Variants in LYST observed in about 807,000 individuals in gnomAD.
The protein encoded by LYST is lysosomal-trafficking regulator.
Under a neutral mutation model 413.6 loss-of-function variants are expected in LYST, and 192 were observed. The ratio of observed to expected loss-of-function variants is 0.46; its 90% CI spans 0.41 to 0.52. The LOEUF is 0.52. Ranked by LOEUF, LYST falls within the 20% of genes least tolerant of loss-of-function variation. The probability of loss-of-function intolerance (pLI) is 0.00; values close to 1 mark genes in which losing one functional copy is unlikely to be tolerated. For synonymous variants in LYST, 1,525 were observed against 1,567.3 expected, an observed-to-expected ratio of 0.97 and a Z score of 0.64; for missense variants, 3,815 against 4,499.9, an observed-to-expected ratio of 0.85 and a Z score of 4.35.
At chr1:235,678,548 A>G (rs1023330995) in intron 48 of LYST, among the ~76,000 whole-genome samples, 2 of 152,206 alleles carry the variant, frequency 1.3e-5, no homozygotes. Flanking sequence ...AACTATTATC[A>G]TAAAGCATTT....
rs563096666 is a variant in LYST, at chr1:235,808,430, C to A, written c.2363+25G>T. 7 of 1,608,300 alleles carry A rather than the reference C, an allele frequency of 4.4e-6. No homozygotes were observed. The Admixed American group carries it at 8.5e-5, about 19-fold the overall frequency. ...AGACATGCTCAACAACCCCCGCCCCCGCCGCCACCCACACACATACAAACC... is the reference window on the plus strand; with the variant it reads ...AGACATGCTCAACAACCCCCGCCCCAGCCGCCACCCACACACATACAAACC... On this transcript the variant is annotated intron_variant, in intron 5 of 52. Transcript: ENST00000389793.
chr1:235,730,892 GAAGAATGAGTTTTGTCTTCAAACAGGT>G lies in LYST; in HGVS notation c.8972_8998del (p.Tyr2991_Ser2999del), dbSNP rs1664322570. 6.2e-7 allele frequency: 1 copy of G among 1,613,654 alleles called. No individual in the cohort carries two copies. Among genetic ancestry groups the G allele is most frequent in the African/African-American group, 1.3e-5 (1 of 74,914 alleles). Reference sequence around the variant, plus strand: ...TTTGTCTTTGACAGTAGAAGAGAAAGAAGAATGAGTTTTGTCTTCAAACAGGTAAGAGAGTGGTGGTTTGACAACATC... The same window carrying G: ...TTTGTCTTTGACAGTAGAAGAGAAAGAAGAGAGTGGTGGTTTGACAACATC... On this transcript the variant is annotated inframe_deletion, in exon 36 of 53. Transcript: ENST00000389793.
At chr1:235,725,101 T>C (rs559125059) in intron 38 of LYST, among the ~76,000 whole-genome samples, 2 of 152,302 alleles carry the variant, frequency 1.3e-5, no homozygotes, top group Admixed American at 6.5e-5. Flanking sequence ...AAGGGATTTG[T>C]TCCTAATGAA....
Position 235,808,356 on chromosome 1 carries a change from A to G in LYST, c.2363+99T>C, listed in dbSNP as rs929826163. 35 of 1,073,816 alleles carry G rather than the reference A, an allele frequency of 3.3e-5. No individual in the cohort carries two copies. The African/African-American group carries it at 5.4e-4, about 17-fold the overall frequency. 66.5% of individuals were successfully genotyped at this position (1,073,816 alleles called of 1,614,324 possible). ...TGGAGATATCAGTGTTAGAAGTTTA[A>G]ATGCATACAATTTATCACTCACTTG... is the stretch of plus-strand genomic sequence containing the variant. On this transcript the variant is annotated intron_variant, in intron 5 of 52. Coordinates refer to ENST00000389793, the MANE Select transcript of LYST (RefSeq NM_000081.4).
chr1:235,810,272 A>G lies in LYST; in HGVS notation c.546T>C (p.His182=). 1.2e-6 allele frequency: 2 copies of G among 1,614,154 alleles called. No homozygotes were observed. Among genetic ancestry groups the G allele is most frequent in the Non-Finnish European group, 1.7e-6 (2 of 1,179,996 alleles). ...SDEKGIAMNK[H]RRPHLLHHFL... is the part of the protein sequence containing the mutation. The stretch of plus-strand genomic sequence containing the variant: ...AATGATGCAGCAGATGGGGCCTTCT[A>G]TGCTTATTCATTGCTATGCCTTTTT... Residue 182 remains histidine, a synonymous_variant, in exon 5 of 53, where the codon CAT becomes CAC. Transcript: ENST00000389793.
At chr1:235,848,977 CA>C (rs1398958711) in intron 1 of LYST, among the ~76,000 whole-genome samples, 1 of 151,962 alleles carries the variant, frequency 6.6e-6, no homozygotes, top group Non-Finnish European at 1.5e-5. Context: ...CACTATTCCA[CA>C]AGAAAGAGAA....
intron 1 of LYST, among the ~76,000 whole-genome samples, chr1:235,882,182 G>A (rs1382030600): frequency 6.6e-6 from 1 of 151,968 alleles, no homozygotes; most frequent in Non-Finnish European, 1.5e-5. Flanking sequence ...AGATGGCTTT[G>A]TCTTGAAAAA....
intron 3 of LYST, among the ~76,000 whole-genome samples, chr1:235,818,125 T>C (rs1674376110): frequency 6.6e-6 from 1 of 152,172 alleles, no homozygotes; most frequent in African/African-American, 2.4e-5. Flanking sequence ...ATTATTTTCA[T>C]GATTATTTTA....
At chr1:235,845,007 GCTCT>G (rs1677633647) in intron 1 of LYST, among the ~76,000 whole-genome samples, 1 of 152,142 alleles carries the variant, frequency 6.6e-6, no homozygotes. Context: ...CTAGATTGCA[GCTCT>G]GGACAGAGCA....
intron 50 of LYST, 23 bp downstream of exon 50, chr1:235,677,068 G>A (rs779845957): frequency 6.3e-7 from 1 of 1,581,096 alleles, no homozygotes; most frequent in Non-Finnish European, 8.7e-7. Context: ...CCAGCCCTGT[G>A]CTTTGGGTTG....
At chr1:235,864,783 A>C (rs1680301569) in intron 1 of LYST, among the ~76,000 whole-genome samples, 1 of 152,132 alleles carries the variant, frequency 6.6e-6, no homozygotes, top group Non-Finnish European at 1.5e-5. Flanking sequence ...AAATTAGCCA[A>C]GCATGGTGGG....
intron 1 of LYST, among the ~76,000 whole-genome samples, chr1:235,852,119 T>C (rs1678610932): frequency 1.3e-5 from 2 of 152,204 alleles, no homozygotes; most frequent in African/African-American, 2.4e-5. Flanking sequence ...ATGTCATGTA[T>C]TCTTAGGAAA....
chr1:235,694,433 A>G (rs1558124183), intron 46 of LYST, among the ~76,000 whole-genome samples: 1 of 152,200 alleles, frequency 6.6e-6, no homozygotes, highest in Admixed American at 6.5e-5. Context: ...ATATAGCTAA[A>G]TGCAGCATAT....
At chr1:235,806,963 C>G (rs1672912804) in intron 5 of LYST, among the ~76,000 whole-genome samples, 191 bp from the exon 6 acceptor site, 1 of 152,126 alleles carries the variant, frequency 6.6e-6, no homozygotes, top group Non-Finnish European at 1.5e-5. Flanking sequence ...TCTAATTACT[C>G]TGATATCCTT....
rs1334084128 is a variant in LYST, at chr1:235,751,240, C to CATG, written c.7747_7749dup (p.His2583dup). ...ATGCTTTTCCGCTTTTGAACTACTG[C>CATG]ATGATGGGGAGCAGAAGGTGACTGG... On this transcript the variant is annotated inframe_insertion, in exon 28 of 53. Coordinates refer to ENST00000389793, the MANE Select transcript of LYST (RefSeq NM_000081.4). The CATG allele has an allele frequency of 6.2e-7, 1 of 1,613,746 alleles. No individual in the cohort carries two copies.
chr1:235,788,554 T>C (rs1373242827), intron 13 of LYST, 147 bp downstream of exon 13: 2 of 717,250 alleles, frequency 2.8e-6, no homozygotes. Flanking sequence ...AAAAGTGGTA[T>C]TAATAGCTGT....
intron 47 of LYST, among the ~76,000 whole-genome samples, chr1:235,691,697 C>CTTTTTTTTTTTTTTTTTTTTTT (rs774558822): frequency 7.2e-6 from 1 of 138,204 alleles, no homozygotes; most frequent in South Asian, 2.1e-4. Context: ...ATCAGATTCT[C>CTTTTTTTTTTTTTTTTTTTTTT]TCTTTTTTTT....
At chr1:235,800,594 T>A (rs1253230388) in intron 9 of LYST, among the ~76,000 whole-genome samples, 1 of 152,210 alleles carries the variant, frequency 6.6e-6, no homozygotes, top group Non-Finnish European at 1.5e-5. Flanking sequence ...CGAGCATGTA[T>A]TAAAATTAAA....
intron 24 of LYST, among the ~76,000 whole-genome samples, chr1:235,756,057 A>C (rs6688905): frequency 4.4e-5 from 5 of 113,594 alleles, no homozygotes; most frequent in Non-Finnish European, 8.0e-5. Flanking sequence ...ATCTATATCT[A>C]TATCTGTATC....
Sources: gnomAD v4.1 joint callset for allele counts (sites outside exome capture counted in the v4.1 genomes callset) on GRCh38, gnomAD v4.1.1 for gene constraint, MANE v1.5 for transcripts, NCBI Gene and HGNC (gene_info 2026-07-23, HGNC 2026-07-21) for gene names.